NRG4: variants seen among roughly 807,000 people sequenced by gnomAD.
NRG4 encodes the protein pro-neuregulin-4, membrane-bound isoform.
Under a neutral mutation model 15.0 loss-of-function variants are expected in NRG4, and 10 were observed. The observed-to-expected ratio is 0.67, with a 90% CI of 0.41 to 1.13. The LOEUF (loss-of-function observed/expected upper bound fraction) is 1.13, where lower values mean the gene tolerates loss of function less well. Ranked by LOEUF, NRG4 falls within the 50% of genes most tolerant of loss-of-function variation. NRG4 has a pLI of 0.00. For missense variants in NRG4, 139 were observed against 140.2 expected, an observed-to-expected ratio of 0.99 and a Z score of 0.04; for synonymous variants, 41 against 50.1, an observed-to-expected ratio of 0.82 and a Z score of 0.77.
At chr15:76,009,176 C>A (rs746424775) in intron 3 of NRG4, 24 bp downstream of exon 3, 5 of 1,076,928 alleles carry the variant, frequency 4.6e-6, no homozygotes, top group Non-Finnish European at 7.2e-6. Flanking sequence ...AAGTTAACAT[C>A]TCCCCCTAGT....
chr15:75,940,694 T>C (rs753881024), downstream of NRG4: 1 of 152,092 alleles, frequency 6.6e-6, no homozygotes, highest in Non-Finnish European at 1.5e-5. Flanking sequence ...CTCTCATATG[T>C]AGGTAAATGA....
rs555502541 is a variant in NRG4, at chr15:75,943,993, A to G, written c.332-339T>C. 1.7e-3 allele frequency among the ~76,000 whole-genome samples: 259 copies of G among 152,164 alleles called. 4 individuals are homozygous for G. The highest frequency in any genetic ancestry group is 5.6e-3 in the African/African-American group (234 of 41,486). ...GACCTGTCTTAGATATACAAGTTAGAAAAGGGTGGTTGAGGGGAAAAGATT... is the reference window on the plus strand; with the variant it reads ...GACCTGTCTTAGATATACAAGTTAGGAAAGGGTGGTTGAGGGGAAAAGATT... On this transcript the variant is annotated intron_variant, in intron 5 of 5. Transcript: ENST00000394907.
chr15:76,011,635 C>T (rs1392938217), intron 1 of NRG4, among the ~76,000 whole-genome samples: 5 of 152,100 alleles, frequency 3.3e-5, no homozygotes, highest in African/African-American at 2.4e-5. Context: ...AACGATGAGA[C>T]AGTAAGTAAA....
At chr15:76,018,989 G>A (rs964926477) in intron 5 of NRG4, among the ~76,000 whole-genome samples, 1 of 151,976 alleles carries the variant, frequency 6.6e-6, no homozygotes. Flanking sequence ...ATAACCCCCT[G>A]ACTGGGGCTG....
At chr15:75,964,941 A>C (rs566229687) in intron 3 of NRG4, among the ~76,000 whole-genome samples, 29 of 151,514 alleles carry the variant, frequency 1.9e-4, no homozygotes, top group African/African-American at 7.0e-4. Flanking sequence ...AAAGAAAAAA[A>C]GAGGCCGGAC....
downstream of NRG4, chr15:75,936,550 A>G (rs988621750): frequency 6.6e-6 from 1 of 152,198 alleles, no homozygotes; most frequent in African/African-American, 2.4e-5. Context: ...GCAGAAGCCA[A>G]TAAGTATCAC....
chr15:75,958,360 A>G (rs2032349680), intron 4 of NRG4, among the ~76,000 whole-genome samples: 1 of 152,248 alleles, frequency 6.6e-6, no homozygotes, highest in Admixed American at 6.5e-5. Flanking sequence ...ATTTTATATC[A>G]TGTGTCTGAT....
At chr15:76,058,444 G>T (rs1173871554) in intron 1 of NRG4, among the ~76,000 whole-genome samples, 1 of 150,826 alleles carries the variant, frequency 6.6e-6, no homozygotes, top group Admixed American at 6.6e-5. Context: ...GCCAAAAGTA[G>T]ATACTCCCTG....
chr15:75,996,149 C>CCA (rs2044471498), intron 3 of NRG4, among the ~76,000 whole-genome samples: 1 of 152,132 alleles, frequency 6.6e-6, no homozygotes, highest in Non-Finnish European at 1.5e-5. Context: ...ATTGAAGTAT[C>CCA]CAGCCTGGGC....
intron 5 of NRG4, among the ~76,000 whole-genome samples, chr15:75,952,040 C>G (rs1269085712): frequency 1.3e-5 from 2 of 152,066 alleles, no homozygotes; most frequent in African/African-American, 2.4e-5. Context: ...CTCTATTTTG[C>G]CTTCATTTTT....
In NRG4 at chr15:76,054,677, T is replaced by G. The variant is rs1048596826; in HGVS notation, c.-261-1694A>C. On this transcript the variant is annotated intron_variant, in intron 2 of 8. Coordinates refer to the NRG4 transcript ENST00000563910. ...TCAGAGGGATCATTTTTTTATTACCTCTTCCTCTATGTGATAAAATTATTT... is the reference window on the plus strand; with the variant it reads ...TCAGAGGGATCATTTTTTTATTACCGCTTCCTCTATGTGATAAAATTATTT... Among the ~76,000 whole-genome samples the G allele has an allele frequency of 2.0e-5, 3 of 152,164 alleles. No homozygotes were observed. In the East Asian group the frequency reaches 5.8e-4, roughly 29 times the overall value.
chr15:76,021,766 T>C (rs1045368341), intron 5 of NRG4, among the ~76,000 whole-genome samples: 1 of 152,194 alleles, frequency 6.6e-6, no homozygotes, highest in African/African-American at 2.4e-5. Context: ...TTTTGCACCA[T>C]GCAAATAAGC....
chr15:75,985,338 G>A (rs975364523), intron 3 of NRG4, among the ~76,000 whole-genome samples: 1 of 152,174 alleles, frequency 6.6e-6, no homozygotes, highest in African/African-American at 2.4e-5. Flanking sequence ...CACAAGCTTC[G>A]AAGAGTTCCC....
intron 3 of NRG4, among the ~76,000 whole-genome samples, chr15:75,966,291 T>C (rs1402153208): frequency 6.6e-6 from 1 of 152,216 alleles, no homozygotes; most frequent in African/African-American, 2.4e-5. Flanking sequence ...CAAGAAACAT[T>C]ACTGGACTGT....
At chr15:76,027,832 T>C (rs1273237718) in intron 5 of NRG4, among the ~76,000 whole-genome samples, 2 of 152,152 alleles carry the variant, frequency 1.3e-5, no homozygotes, top group African/African-American at 2.4e-5. Flanking sequence ...AAGTAACTTA[T>C]TTTACCACAA....
At chr15:76,055,849 A>G (rs919312278) in intron 2 of NRG4, among the ~76,000 whole-genome samples, 11 of 152,208 alleles carry the variant, frequency 7.2e-5, no homozygotes, top group Non-Finnish European at 1.3e-4. Flanking sequence ...TAGTGGGTTT[A>G]CTGTAGTTTA....
intron 4 of NRG4, among the ~76,000 whole-genome samples, chr15:75,957,170 A>G (rs1342527342): frequency 6.6e-6 from 1 of 152,254 alleles, no homozygotes; most frequent in Non-Finnish European, 1.5e-5. Flanking sequence ...ATACTATGTT[A>G]TAATTTATAC....
chr15:75,946,602 G>A (rs200152101), intron 5 of NRG4, among the ~76,000 whole-genome samples: 1 of 151,940 alleles, frequency 6.6e-6, no homozygotes, highest in African/African-American at 2.4e-5. Context: ...CTCGTGATCC[G>A]CCTGCCTCAG....
intron 5 of NRG4, among the ~76,000 whole-genome samples, chr15:75,945,425 A>G (rs1437293243): frequency 6.6e-6 from 1 of 151,894 alleles, no homozygotes; most frequent in East Asian, 1.9e-4. Flanking sequence ...TCATTTTTGT[A>G]TTTTTAGTAG....
Sources: allele counts gnomAD v4.1 joint callset (sites outside exome capture counted in the v4.1 genomes callset), GRCh38; gene constraint gnomAD v4.1.1; transcripts MANE v1.5; gene names NCBI Gene and HGNC (gene_info 2026-07-23, HGNC 2026-07-21).